CMSS1: variants seen among roughly 807,000 people sequenced by gnomAD.
CMSS1 encodes the protein cms1 ribosomal small subunit homolog.
CMSS1 carries 33 observed loss-of-function variants against 43.5 expected under a neutral mutation model. The observed-to-expected ratio is 0.76, with a 90% confidence interval of 0.57 to 1.01. The LOEUF (loss-of-function observed/expected upper bound fraction) is 1.01, where lower values mean the gene tolerates loss of function less well. Ranked by LOEUF, CMSS1 falls within the 50% of genes least tolerant of loss-of-function variation. The pLI is 0.00. For synonymous variants in CMSS1, 115 were observed against 117.2 expected, an observed-to-expected ratio of 0.98 and a Z score of 0.12; for missense variants, 313 against 326.4, an observed-to-expected ratio of 0.96 and a Z score of 0.32.
intron 1 of CMSS1, among the ~76,000 whole-genome samples, chr3:99,977,626 G>A (rs529021695): frequency 6.6e-6 from 1 of 152,188 alleles, no homozygotes; most frequent in Non-Finnish European, 1.5e-5. Flanking sequence ...GATTTTTTTA[G>A]TATACAGGCC....
At chr3:100,012,779 T>TG (rs1226160299) in intron 1 of CMSS1, among the ~76,000 whole-genome samples, 8 of 134,854 alleles carry the variant, frequency 5.9e-5, no homozygotes, top group African/African-American at 1.4e-4. Context: ...TTTTTTTTTT[T>TG]GGGTTGGGGG....
At chr3:100,053,577 A>G (rs1302407857) in intron 1 of CMSS1, among the ~76,000 whole-genome samples, 2 of 152,178 alleles carry the variant, frequency 1.3e-5, no homozygotes, top group Admixed American at 6.5e-5. Flanking sequence ...CAAACACCCT[A>G]TTTCCAAATA....
At chr3:99,904,916 A>G (rs996228298) in intron 1 of CMSS1, among the ~76,000 whole-genome samples, 1 of 151,778 alleles carries the variant, frequency 6.6e-6, no homozygotes, top group African/African-American at 2.4e-5. Flanking sequence ...CATCCTCACC[A>G]CCTTCTTTGG....
intron 1 of CMSS1, among the ~76,000 whole-genome samples, chr3:99,989,670 A>G (rs1709453648): frequency 1.4e-5 from 2 of 142,280 alleles, no homozygotes; most frequent in East Asian, 4.0e-4. Context: ...TCCTCTATAT[A>G]TATATATATA....
chr3:99,866,215 C>T (rs1454090109), intron 1 of CMSS1, among the ~76,000 whole-genome samples: 1 of 151,090 alleles, frequency 6.6e-6, no homozygotes, highest in South Asian at 2.1e-4. Flanking sequence ...GCTTTCTTAC[C>T]TTAATTGTTG....
chr3:99,913,021 T>C (rs1241135323), intron 1 of CMSS1, among the ~76,000 whole-genome samples: 1 of 152,178 alleles, frequency 6.6e-6, no homozygotes, highest in African/African-American at 2.4e-5. Flanking sequence ...GGGGCATTCA[T>C]GAATGGAATT....
At position 100,117,852 on chromosome 3, in the gene CMSS1, T is replaced by TAC. The variant is rs1553715634; in HGVS notation, c.65-29119_65-29118dup. 2.5e-3 allele frequency among the ~76,000 whole-genome samples: 229 copies of TAC among 90,454 alleles called. 2 individuals are homozygous for TAC. The highest frequency in any genetic ancestry group is 3.4e-3 in the Non-Finnish European group (152 of 45,004). 59.3% of individuals were successfully genotyped at this position (90,454 alleles called of 152,430 possible). On this transcript the variant is annotated intron_variant, in intron 1 of 9. Transcript: ENST00000421999. ...ATATATATATATATATATATATATATACATATATATATATATATATATATA... is the reference window on the plus strand; with the variant it reads ...ATATATATATATATATATATATATATACACATATATATATATATATATATATA...
At chr3:100,100,343 A>G (rs972983262) in intron 1 of CMSS1, among the ~76,000 whole-genome samples, 4 of 152,198 alleles carry the variant, frequency 2.6e-5, no homozygotes, top group Admixed American at 1.3e-4. Context: ...CATTTGTTGA[A>G]CACCTAGAAT....
chr3:100,048,279 A>G (rs768239968), intron 1 of CMSS1, among the ~76,000 whole-genome samples: 2 of 152,238 alleles, frequency 1.3e-5, no homozygotes, highest in Non-Finnish European at 2.9e-5. Flanking sequence ...TCACTTGTTT[A>G]TCCCTTAATT....
At chr3:100,097,318 A>G (rs1367479798) in intron 1 of CMSS1, among the ~76,000 whole-genome samples, 1 of 152,224 alleles carries the variant, frequency 6.6e-6, no homozygotes, top group East Asian at 1.9e-4. Context: ...CCACTGTTGT[A>G]TTAGATATTG....
At chr3:99,828,048 C>T (rs548171877) in intron 1 of CMSS1, among the ~76,000 whole-genome samples, 3 of 152,326 alleles carry the variant, frequency 2.0e-5, no homozygotes. Flanking sequence ...CAACATACAA[C>T]GTATTTTGTG....
intron 1 of CMSS1, chr3:99,849,806 T>TA (rs1559657115): frequency 6.2e-7 from 1 of 1,612,940 alleles, no homozygotes; most frequent in East Asian, 2.2e-5. Context: ...TCCTTAATCT[T>TA]ATTGTTTTCT....
intron 1 of CMSS1, chr3:99,964,494 G>A (rs1708588456): frequency 6.6e-6 from 1 of 152,352 alleles, no homozygotes; most frequent in Non-Finnish European, 1.5e-5. Context: ...ATCTGCTCAG[G>A]GCTCAGAGCT....
rs562722571 is a variant in CMSS1 at position 100,157,678 on chromosome 3, C to T, written c.154-2752C>T. On this transcript the variant is annotated intron_variant, in intron 2 of 9. Transcript: ENST00000421999. ...ACAGGAAATGGAGGCAAGCCTCAGC[C>T]TCTGCCCTTTCTCCCCTGGCCCAGC... is the stretch of plus-strand genomic sequence containing the variant. Among the ~76,000 whole-genome samples the T allele has an allele frequency of 3.3e-5, 5 of 152,332 alleles. No homozygotes were observed. In the East Asian group the frequency reaches 9.6e-4, roughly 29 times the overall value.
intron 1 of CMSS1, among the ~76,000 whole-genome samples, chr3:99,997,846 C>A (rs35521705): frequency 6.6e-6 from 1 of 152,042 alleles, no homozygotes; most frequent in Non-Finnish European, 1.5e-5. Flanking sequence ...ATAAGTCATG[C>A]TCTTATTACA....
At chr3:100,173,607 A>G (rs1055221150) in intron 8 of CMSS1, among the ~76,000 whole-genome samples, 3 of 152,226 alleles carry the variant, frequency 2.0e-5, no homozygotes, top group African/African-American at 7.2e-5. Context: ...TGAGAAAGAG[A>G]TAGTTATGCT....
chr3:100,127,967 A>G (rs1325321377), intron 1 of CMSS1, among the ~76,000 whole-genome samples: 2 of 152,182 alleles, frequency 1.3e-5, no homozygotes, highest in Non-Finnish European at 2.9e-5. Context: ...ATGACAGGAG[A>G]CAGCACACGA....
chr3:100,114,781 C>A lies in CMSS1; in HGVS notation c.65-32192C>A, dbSNP rs934642233. On this transcript the variant is annotated intron_variant, in intron 1 of 9. Coordinates refer to ENST00000421999, the MANE Select transcript of CMSS1 (RefSeq NM_032359.4). ...ACATTAAATTGCACCTCATTTTGTA[C>A]CCTGCAGCCATGAGCTGATGTAAGC... 13 of 517,600 alleles carry A rather than the reference C, an allele frequency of 2.5e-5. No homozygotes were observed. In the East Asian group the frequency reaches 3.7e-4, roughly 15 times the overall value. 32.1% of individuals were successfully genotyped at this position (517,600 alleles called of 1,614,324 possible).
At chr3:99,940,789 G>C (rs1221734797) in intron 1 of CMSS1, among the ~76,000 whole-genome samples, 1 of 152,166 alleles carries the variant, frequency 6.6e-6, no homozygotes, top group Non-Finnish European at 1.5e-5. Flanking sequence ...TCTTGCCTAG[G>C]CCAACCCAGC....
Sources: allele counts gnomAD v4.1 joint callset (sites outside exome capture counted in the v4.1 genomes callset), GRCh38; gene constraint gnomAD v4.1.1; transcripts MANE v1.5; gene names NCBI Gene and HGNC (gene_info 2026-07-23, HGNC 2026-07-21).